Variants in ULK4 observed in about 807,000 individuals in gnomAD.
The protein encoded by ULK4 is inactive serine/threonine-protein kinase ULK4.
ULK4 carries 133 observed loss-of-function variants against 160.6 expected under a neutral mutation model. The observed-to-expected ratio is 0.83, with a 90% confidence interval of 0.72 to 0.96. ULK4 has a LOEUF of 0.96. Ranked by LOEUF, ULK4 falls within the 40% of genes least tolerant of loss-of-function variation. The probability of loss-of-function intolerance (pLI) is 0.00; values close to 1 mark genes in which losing one functional copy is unlikely to be tolerated. For missense variants in ULK4, 1,580 were observed against 1,499.5 expected, an observed-to-expected ratio of 1.05 and a Z score of -0.89; for synonymous variants, 534 against 539.8, an observed-to-expected ratio of 0.99 and a Z score of 0.15.
intron 35 of ULK4, among the ~76,000 whole-genome samples, chr3:41,370,378 C>A (rs1452918825): frequency 6.6e-6 from 1 of 152,146 alleles, no homozygotes; most frequent in Non-Finnish European, 1.5e-5. Flanking sequence ...CAAATAGGAG[C>A]AGCTCTGGTC....
intron 30 of ULK4, among the ~76,000 whole-genome samples, chr3:41,625,539 C>T (rs916821352): frequency 1.3e-5 from 2 of 152,068 alleles, no homozygotes; most frequent in East Asian, 1.9e-4. Flanking sequence ...GCTCAGGCCT[C>T]GCAGAGGCCA....
intron 22 of ULK4, among the ~76,000 whole-genome samples, chr3:41,744,851 A>G (rs1276944252): frequency 6.6e-6 from 1 of 151,780 alleles, no homozygotes; most frequent in African/African-American, 2.4e-5. Context: ...AACTGAAATC[A>G]CAGCAAGTGT....
chr3:41,659,708 T>A (rs2035077211), intron 30 of ULK4, among the ~76,000 whole-genome samples: 1 of 152,052 alleles, frequency 6.6e-6, no homozygotes, highest in Non-Finnish European at 1.5e-5. Flanking sequence ...TCTCCTTTGA[T>A]ACATCAATAC....
At chr3:41,569,789 T>G (rs1273940523) in intron 31 of ULK4, among the ~76,000 whole-genome samples, 1 of 29,758 alleles carries the variant, frequency 3.4e-5, no homozygotes, top group Non-Finnish European at 9.5e-5. Flanking sequence ...CTACCCTACA[T>G]TTTTTTTTTG....
intron 35 of ULK4, among the ~76,000 whole-genome samples, chr3:41,391,785 C>T (rs562936019): frequency 6.6e-6 from 1 of 152,098 alleles, no homozygotes; most frequent in South Asian, 2.1e-4. Flanking sequence ...TTTCTGAAGA[C>T]CACAGGGTAA....
chr3:41,952,333 G>C (rs1449882751), intron 2 of ULK4, among the ~76,000 whole-genome samples: 1 of 152,150 alleles, frequency 6.6e-6, no homozygotes, highest in Non-Finnish European at 1.5e-5. Flanking sequence ...AGAATATATA[G>C]AGAAGTCGTA....
At chr3:41,882,071 T>C in intron 17 of ULK4, 1 of 630,618 alleles carries the variant, frequency 1.6e-6, no homozygotes, top group Non-Finnish European at 2.9e-6. Flanking sequence ...TTACTTCACA[T>C]GCCCTCTGCC....
chr3:41,269,938 A>C (rs2079110232), intron 35 of ULK4, among the ~76,000 whole-genome samples: 1 of 152,212 alleles, frequency 6.6e-6, no homozygotes, highest in African/African-American at 2.4e-5. Flanking sequence ...AGGTGCAATG[A>C]AAATACTATT....
chr3:41,768,163 C>A (rs923547065), intron 21 of ULK4, among the ~76,000 whole-genome samples: 3 of 152,076 alleles, frequency 2.0e-5, no homozygotes, highest in African/African-American at 7.2e-5. Flanking sequence ...CAGTTTCATC[C>A]CAAAACCACC....
At chr3:41,332,952 C>T (rs1410947072) in intron 35 of ULK4, among the ~76,000 whole-genome samples, 1 of 152,196 alleles carries the variant, frequency 6.6e-6, no homozygotes, top group East Asian at 1.9e-4. Flanking sequence ...AAAATATTTT[C>T]TAGTCATCTC....
chr3:41,723,647 T>C (rs1250176980), intron 22 of ULK4, among the ~76,000 whole-genome samples: 1 of 152,214 alleles, frequency 6.6e-6, no homozygotes, highest in Non-Finnish European at 1.5e-5. Context: ...CTGGCCAATA[T>C]ATGTAGGTAA....
chr3:41,748,275 G>A (rs1279529345), intron 22 of ULK4, among the ~76,000 whole-genome samples: 2 of 148,494 alleles, frequency 1.3e-5, no homozygotes, highest in African/African-American at 2.5e-5. Context: ...ATACACACAC[G>A]ATATATATTA....
At chr3:41,717,294 GA>G (rs148137651) in intron 23 of ULK4, among the ~76,000 whole-genome samples, 8,524 of 151,012 alleles carry the variant, frequency 0.056, 797 homozygotes, top group African/African-American at 0.19. Context: ...TTCAGCAAGG[GA>G]AAAAAAATAA....
chr3:41,888,145 A>G (rs1319956574), intron 16 of ULK4, among the ~76,000 whole-genome samples: 1 of 151,252 alleles, frequency 6.6e-6, no homozygotes, highest in African/African-American at 2.5e-5. Context: ...AATAAGGAAA[A>G]GAAACAAAAG....
intron 34 of ULK4, among the ~76,000 whole-genome samples, chr3:41,415,779 T>C (rs1452373966): frequency 2.0e-5 from 3 of 152,160 alleles, no homozygotes; most frequent in Non-Finnish European, 4.4e-5. Flanking sequence ...GAAATGACCA[T>C]GTCTATTCAT....
chr3:41,287,984 A>T (rs1276680768), intron 35 of ULK4, among the ~76,000 whole-genome samples: 1 of 152,140 alleles, frequency 6.6e-6, no homozygotes, highest in Admixed American at 6.5e-5. Flanking sequence ...GGGCAAATAT[A>T]ATCTGATTGG....
intron 32 of ULK4, among the ~76,000 whole-genome samples, chr3:41,475,885 G>A (rs1418486624): frequency 6.6e-6 from 1 of 151,754 alleles, no homozygotes. Flanking sequence ...AGGGAGGAGA[G>A]AAGGAGGGAA....
chr3:41,848,222 G>C (rs2042119340), intron 17 of ULK4, among the ~76,000 whole-genome samples: 1 of 152,136 alleles, frequency 6.6e-6, no homozygotes, highest in African/African-American at 2.4e-5. Context: ...TTCTCTTAAA[G>C]ATAATAAACT....
intron 6 of ULK4, among the ~76,000 whole-genome samples, chr3:41,918,775 G>A (rs780646315): frequency 6.6e-6 from 1 of 151,636 alleles, no homozygotes; most frequent in Non-Finnish European, 1.5e-5. Context: ...CTAATTTTTT[G>A]TATTTTTAGT....
Sources: allele counts gnomAD v4.1 joint callset (sites outside exome capture counted in the v4.1 genomes callset), GRCh38; gene constraint gnomAD v4.1.1; transcripts MANE v1.5; gene names NCBI Gene and HGNC (gene_info 2026-07-23, HGNC 2026-07-21).